Variants in RORA observed in about 807,000 individuals in gnomAD.
RORA encodes the protein RAR related orphan receptor A, also known as nuclear receptor ROR-alpha.
In RORA, 7 loss-of-function variants were observed where a neutral mutation model predicts 69.5. The observed-to-expected ratio is 0.10, with a 90% CI of 0.06 to 0.19. The LOEUF (loss-of-function observed/expected upper bound fraction) is 0.19. Among genes scored for constraint, RORA ranks in the 10% least tolerant of loss-of-function variants. The pLI, the probability that RORA is intolerant of heterozygous loss-of-function variation, is 1.00. For missense variants in RORA, 457 were observed against 663.0 expected (o/e 0.69, Z 3.41); for synonymous variants, 261 against 240.8 (o/e 1.08, Z -0.78).
rs1003319926 is a variant in RORA, at chr15:60,832,911, C to CT, written c.167-154226dup. On this transcript the variant is annotated intron_variant, in intron 1 of 10. Coordinates refer to ENST00000335670, the MANE Select transcript of RORA (RefSeq NM_134261.3). The stretch of plus-strand genomic sequence containing the variant: ...TTCTGTTCCATCCCAACTGAGTGTT[C>CT]TTTTTTTTTTTGAGACGGAGTCTCA... 3.6e-3 allele frequency among the ~76,000 whole-genome samples: 527 copies of CT among 148,168 alleles called. 2 individuals are homozygous for CT. The highest frequency in any genetic ancestry group is 0.011 in the African/African-American group (428 of 40,608).
chr15:60,558,535 T>A (rs2067438817), intron 2 of RORA: 1 of 422,484 alleles, frequency 2.4e-6, no homozygotes, highest in East Asian at 4.1e-5. Flanking sequence ...ATGTTTGATG[T>A]TTCTTTGAAT....
chr15:61,170,918 T>C (rs1182907184), intron 1 of RORA, among the ~76,000 whole-genome samples: 8 of 152,222 alleles, frequency 5.3e-5, no homozygotes, highest in Non-Finnish European at 1.2e-4. Flanking sequence ...CTGGGCACCC[T>C]CTAGATACCA....
chr15:60,676,741 A>AT (rs2070559262), intron 2 of RORA, among the ~76,000 whole-genome samples: 1 of 152,106 alleles, frequency 6.6e-6, no homozygotes, highest in African/African-American at 2.4e-5. Flanking sequence ...TAGAACACCA[A>AT]TTTTTCCTCT....
intron 1 of RORA, among the ~76,000 whole-genome samples, chr15:60,716,960 T>G (rs2071229089): frequency 6.6e-6 from 1 of 152,222 alleles, no homozygotes; most frequent in East Asian, 1.9e-4. Context: ...TTCTTTAGAC[T>G]ACTTCAGCAA....
intron 2 of RORA, among the ~76,000 whole-genome samples, chr15:60,675,049 TAAACTTTCCAGTAGCTGGAAAG>T (rs2070533144): frequency 6.6e-6 from 1 of 152,180 alleles, no homozygotes; most frequent in African/African-American, 2.4e-5. Context: ...TCCATGATGC[TAAACTTTCCAGTAGCTGGAAAG>T]AGCTAGGATG....
chr15:60,753,341 T>C (rs1031326922), intron 1 of RORA, among the ~76,000 whole-genome samples: 2 of 152,238 alleles, frequency 1.3e-5, no homozygotes, highest in Admixed American at 1.3e-4. Context: ...ATTCTGTTAA[T>C]CCATCCATTC....
intron 5 of RORA, chr15:60,510,598 G>C (rs1272538631): frequency 2.0e-5 from 3 of 152,332 alleles, no homozygotes; most frequent in African/African-American, 7.2e-5. Flanking sequence ...AAAATGAGAT[G>C]CCTACAGGGG....
At position 61,205,387 on chromosome 15, in the gene RORA, A is replaced by G. The variant is rs561555721; in HGVS notation, c.166+23666T>C. 3.3e-5 allele frequency among the ~76,000 whole-genome samples: 5 copies of G among 152,288 alleles called. No homozygotes were observed. In the East Asian group the frequency reaches 9.7e-4, roughly 29 times the overall value. On this transcript the variant is annotated intron_variant, in intron 1 of 10. Transcript: ENST00000335670. ...CATAAACTCTGCATCTTTCGTATTC[A>G]CAGTACACAGCACACGCCTCTGCCA...
chr15:61,194,278 G>A (rs1029016063), intron 1 of RORA: 1 of 152,300 alleles, frequency 6.6e-6, no homozygotes, highest in Middle Eastern at 3.4e-3. Context: ...CTGTAACACA[G>A]GCCGGGCGCG....
intron 1 of RORA, among the ~76,000 whole-genome samples, chr15:61,062,018 G>A (rs2078193985): frequency 6.6e-6 from 1 of 152,130 alleles, no homozygotes; most frequent in Non-Finnish European, 1.5e-5. Flanking sequence ...AGCTGGGATT[G>A]TGCCACTGCA....
chr15:60,941,056 T>C (rs1329598329), intron 1 of RORA, among the ~76,000 whole-genome samples: 9 of 152,240 alleles, frequency 5.9e-5, no homozygotes, highest in Admixed American at 5.2e-4. Context: ...TGGTATTGTA[T>C]AGAAAAACAA....
chr15:60,533,232 A>AT (rs1251870786), intron 2 of RORA, among the ~76,000 whole-genome samples: 4 of 152,108 alleles, frequency 2.6e-5, no homozygotes, highest in Non-Finnish European at 4.4e-5. Flanking sequence ...GCTATCCATC[A>AT]TTTTTTTAGT....
intron 1 of RORA, among the ~76,000 whole-genome samples, chr15:60,820,269 T>TA: frequency 6.6e-6 from 1 of 152,278 alleles, no homozygotes; most frequent in Middle Eastern, 3.4e-3. Flanking sequence ...CTATTTTTTT[T>TA]AACCCAAAGG....
chr15:60,917,786 G>C (rs981088489), intron 1 of RORA, among the ~76,000 whole-genome samples: 1 of 152,164 alleles, frequency 6.6e-6, no homozygotes, highest in South Asian at 2.1e-4. Context: ...CTGAAGCATC[G>C]GCCCTTATTT....
chr15:60,834,420 T>A (rs1034606619), intron 1 of RORA, among the ~76,000 whole-genome samples: 1 of 152,184 alleles, frequency 6.6e-6, no homozygotes, highest in Non-Finnish European at 1.5e-5. Flanking sequence ...TACCTTGACA[T>A]GAACACGAGT....
chr15:60,849,355 C>T (rs1050156082), intron 1 of RORA, among the ~76,000 whole-genome samples: 18 of 152,170 alleles, frequency 1.2e-4, no homozygotes, highest in Admixed American at 1.0e-3. Context: ...TCACTTATAG[C>T]CAATTGGATA....
chr15:61,102,814 A>T (rs2078898958), intron 1 of RORA, among the ~76,000 whole-genome samples: 1 of 152,170 alleles, frequency 6.6e-6, no homozygotes, highest in Non-Finnish European at 1.5e-5. Flanking sequence ...TCCCTACATG[A>T]CAGCGTGTTA....
intron 2 of RORA, among the ~76,000 whole-genome samples, chr15:60,562,558 C>A (rs1459729400): frequency 6.6e-6 from 1 of 152,020 alleles, no homozygotes; most frequent in Non-Finnish European, 1.5e-5. Context: ...GCCTCAGCGT[C>A]CCAAGTAGCT....
chr15:60,842,441 A>C (rs1220263190), intron 1 of RORA, among the ~76,000 whole-genome samples: 7 of 152,176 alleles, frequency 4.6e-5, no homozygotes. Flanking sequence ...TTTATGGGCC[A>C]CTTAGTACAC....
Sources: allele counts gnomAD v4.1 joint callset (sites outside exome capture counted in the v4.1 genomes callset), GRCh38; gene constraint gnomAD v4.1.1; transcripts MANE v1.5; gene names NCBI Gene and HGNC (gene_info 2026-07-23, HGNC 2026-07-21).